KCNMA1: variants seen among roughly 807,000 people sequenced by gnomAD.
KCNMA1 encodes the protein Calcium-activated potassium channel subunit alpha-1.
Under a neutral mutation model 140.0 loss-of-function variants are expected in KCNMA1, and 29 were observed. That is an observed-to-expected ratio of 0.21 (90% CI 0.15 to 0.28). The LOEUF (loss-of-function observed/expected upper bound fraction) is 0.28, where lower values mean the gene tolerates loss of function less well. Among genes scored for constraint, KCNMA1 ranks in the 10% least tolerant of loss-of-function variants. KCNMA1 has a pLI of 1.00. For missense variants in KCNMA1, 880 were observed against 1,602.2 expected, an observed-to-expected ratio of 0.55 and a Z score of 7.70; for synonymous variants, 612 against 611.9, an observed-to-expected ratio of 1.00 and a Z score of 0.00.
intron 24 of KCNMA1, chr10:76,914,241 A>C: frequency 1.2e-6 from 1 of 809,670 alleles, no homozygotes; most frequent in Non-Finnish European, 2.0e-6. Context: ...AAGTAAAGGG[A>C]CCCCGGACCA....
intron 18 of KCNMA1, among the ~76,000 whole-genome samples, chr10:77,010,984 C>A (rs962427975): frequency 2.0e-5 from 3 of 151,992 alleles, no homozygotes; most frequent in African/African-American, 7.2e-5. Flanking sequence ...TGACTGTCAG[C>A]AATCTCATCC....
At chr10:77,096,795 A>T (rs1052774118) in intron 9 of KCNMA1, among the ~76,000 whole-genome samples, 1 of 152,148 alleles carries the variant, frequency 6.6e-6, no homozygotes, top group Admixed American at 6.5e-5. Flanking sequence ...TCTCTGTAAA[A>T]CTATAATATT....
intron 16 of KCNMA1, among the ~76,000 whole-genome samples, chr10:77,026,357 C>T (rs2093461525): frequency 6.6e-6 from 1 of 152,134 alleles, no homozygotes; most frequent in Non-Finnish European, 1.5e-5. Flanking sequence ...AAATAGAGAA[C>T]ACTGAGTTAC....
chr10:77,017,910 T>C (rs1341446323), intron 17 of KCNMA1, among the ~76,000 whole-genome samples: 2 of 152,148 alleles, frequency 1.3e-5, no homozygotes, highest in Admixed American at 6.5e-5. Flanking sequence ...ACAGAGAACC[T>C]AGTACCTAGA....
At chr10:77,085,595 C>G (rs936403566) in intron 11 of KCNMA1, among the ~76,000 whole-genome samples, 42 of 152,244 alleles carry the variant, frequency 2.8e-4, no homozygotes, top group Non-Finnish European at 1.0e-4. Context: ...GTATGTTATA[C>G]TTAATAGATC....
At chr10:77,070,142 A>G (rs2096136366) in intron 14 of KCNMA1, among the ~76,000 whole-genome samples, 1 of 152,180 alleles carries the variant, frequency 6.6e-6, no homozygotes, top group South Asian at 2.1e-4. Flanking sequence ...TTTATTAAAC[A>G]TATCACCCCC....
chr10:77,470,335 G>A (rs137952337), intron 1 of KCNMA1, among the ~76,000 whole-genome samples: 2 of 152,224 alleles, frequency 1.3e-5, no homozygotes, highest in East Asian at 1.9e-4. Flanking sequence ...GGTGAGGCCC[G>A]GAAACGTGTC....
Position 77,403,950 on chromosome 10 carries a change from GCCT to G in KCNMA1, c.449_451del (p.Glu150del), listed in dbSNP as rs1301129724. 1 of 1,614,004 alleles carries G rather than the reference GCCT, an allele frequency of 6.2e-7. No individual in the cohort carries two copies. The highest frequency in any genetic ancestry group is 8.5e-7 in the Non-Finnish European group (1 of 1,180,018). ...CATCCAGCCGACCTCGGCGGCCACT[GCCT>G]CCTCTTTTTCATCCACTGGTTTGAG... On this transcript the variant is annotated inframe_deletion, in exon 2 of 28. Coordinates refer to ENST00000286628, the MANE Select transcript of KCNMA1 (RefSeq NM_001161352.2).
At chr10:77,463,325 T>C (rs2097913976) in intron 1 of KCNMA1, among the ~76,000 whole-genome samples, 1 of 152,182 alleles carries the variant, frequency 6.6e-6, no homozygotes, top group Non-Finnish European at 1.5e-5. Context: ...CACTGTACTG[T>C]GTTGTCACCC....
At chr10:77,549,775 C>A (rs2062321440) in intron 1 of KCNMA1, among the ~76,000 whole-genome samples, 1 of 152,204 alleles carries the variant, frequency 6.6e-6, no homozygotes, top group Non-Finnish European at 1.5e-5. Context: ...AGTCATGCAC[C>A]CAAGCTTGGC....
intron 3 of KCNMA1, among the ~76,000 whole-genome samples, chr10:77,225,945 G>T (rs1484361986): frequency 1.3e-5 from 2 of 152,196 alleles, no homozygotes; most frequent in African/African-American, 4.8e-5. Flanking sequence ...AAGCTTAGGA[G>T]GCATCTTCCC....
intron 2 of KCNMA1, among the ~76,000 whole-genome samples, chr10:77,396,173 T>C (rs1342736841): frequency 1.3e-5 from 2 of 152,232 alleles, no homozygotes; most frequent in Non-Finnish European, 2.9e-5. Flanking sequence ...AGGACATACC[T>C]ATTCACTATG....
At chr10:77,429,781 A>G (rs2097110237) in intron 1 of KCNMA1, among the ~76,000 whole-genome samples, 1 of 151,990 alleles carries the variant, frequency 6.6e-6, no homozygotes, top group African/African-American at 2.4e-5. Flanking sequence ...TGTGATTTAT[A>G]TATATGTTAA....
intron 1 of KCNMA1, among the ~76,000 whole-genome samples, chr10:77,520,260 G>GTGTGAGGGTGTGCAC (rs2052808218): frequency 6.6e-6 from 1 of 151,252 alleles, no homozygotes; most frequent in Admixed American, 6.6e-5. Context: ...GGGGTGTGCA[G>GTGTGAGGGTGTGCAC]TGTGAGGTCT....
intron 1 of KCNMA1, among the ~76,000 whole-genome samples, chr10:77,618,067 C>A (rs2090165228): frequency 6.6e-6 from 1 of 152,116 alleles, no homozygotes; most frequent in Admixed American, 6.5e-5. Flanking sequence ...ACAAAACTAC[C>A]CCTCATGATC....
At position 77,321,227 on chromosome 10, in the gene KCNMA1, G is replaced by A. The variant is rs142812576; in HGVS notation, c.541-69971C>T. 2.0e-3 allele frequency among the ~76,000 whole-genome samples: 312 copies of A among 152,270 alleles called. 1 individual carries two copies. Among genetic ancestry groups the A allele is most frequent in the African/African-American group, 7.0e-3 (292 of 41,546 alleles). The stretch of plus-strand genomic sequence containing the variant: ...GGACAGAAGGCTCTTTGTGGAGTCC[G>A]TGGCTTCACCCTACATGCCATTCTA... On this transcript the variant is annotated intron_variant, in intron 2 of 27. Transcript: ENST00000286628.
intron 2 of KCNMA1, among the ~76,000 whole-genome samples, chr10:77,338,499 T>C (rs2089951421): frequency 6.6e-6 from 1 of 152,216 alleles, no homozygotes; most frequent in Non-Finnish European, 1.5e-5. Flanking sequence ...CCTAAGCCTC[T>C]GCTCCTGCTC....
At chr10:77,379,278 A>T (rs1447645785) in intron 2 of KCNMA1, among the ~76,000 whole-genome samples, 2 of 152,206 alleles carry the variant, frequency 1.3e-5, no homozygotes, top group African/African-American at 4.8e-5. Flanking sequence ...TAAAGTAAAA[A>T]AGCAATGTAA....
At chr10:77,063,407 C>T (rs1396281903) in intron 14 of KCNMA1, among the ~76,000 whole-genome samples, 4 of 151,750 alleles carry the variant, frequency 2.6e-5, no homozygotes, top group Non-Finnish European at 4.4e-5. Context: ...ACTGCACCAC[C>T]GCACTCCAGC....
Sources: allele counts gnomAD v4.1 joint callset (sites outside exome capture counted in the v4.1 genomes callset), GRCh38; gene constraint gnomAD v4.1.1; transcripts MANE v1.5; gene names NCBI Gene and HGNC (gene_info 2026-07-23, HGNC 2026-07-21).